The following FRRS1 variants were observed in gnomAD, a reference collection of about 807,000 sequenced individuals.
FRRS1 encodes the protein ferric reductase 1.
In FRRS1, 51 loss-of-function variants were observed where a neutral mutation model predicts 70.7. The observed-to-expected ratio is 0.72, with a 90% CI of 0.58 to 0.91. FRRS1 has a LOEUF of 0.91. Ranked by LOEUF, FRRS1 falls within the 40% of genes least tolerant of loss-of-function variation. FRRS1 has a pLI of 0.00. For missense variants in FRRS1, 672 were observed against 726.0 expected, an observed-to-expected ratio of 0.93 and a Z score of 0.86; for synonymous variants, 225 against 238.7, an observed-to-expected ratio of 0.94 and a Z score of 0.53.
At position 99,759,628 on chromosome 1, in the gene FRRS1, A is replaced by G. The variant is rs75989088; in HGVS notation, c.-106+6979T>C. 2.6e-5 allele frequency among the ~76,000 whole-genome samples: 4 copies of G among 152,350 alleles called. No individual in the cohort carries two copies. In the East Asian group the frequency reaches 7.7e-4, roughly 29 times the overall value. The stretch of plus-strand genomic sequence containing the variant: ...TTGACAGAGTCAGCAAGTTAAGACT[A>G]AGCACAAGATATATAAAGACAGCAA... On this transcript the variant is annotated intron_variant, in intron 1 of 16. Transcript: ENST00000646001.
rs769575120 is a variant in FRRS1, at chr1:99,709,042, T to C, written c.1765A>G (p.Ile589Val). The change falls in exon 17 of 17, where the codon ATC becomes GTC. Residue 589 changes from isoleucine (I) to valine (V), a missense_variant. Coordinates refer to ENST00000646001, the MANE Select transcript of FRRS1 (RefSeq NM_001361041.2). ...VTFLIIFLSA[I>V]NHL The stretch of plus-strand genomic sequence containing the variant: ...TCTTTGCTTGCTCATAGATGGTTGA[T>C]TGCAGATAAAAATATGATGAGAAAA... 1.1e-5 allele frequency: 18 copies of C among 1,613,766 alleles called. No homozygotes were observed. Among genetic ancestry groups the C allele is most frequent in the Admixed American group, 5.0e-5 (3 of 59,988 alleles).
In FRRS1 at chr1:99,710,848, C is replaced by T. The variant is rs1654238590; in HGVS notation, c.1582G>A (p.Glu528Lys). 1 of 1,613,946 alleles carries T rather than the reference C, an allele frequency of 6.2e-7. No homozygotes were observed. The highest frequency in any genetic ancestry group is 8.5e-7 in the Non-Finnish European group (1 of 1,179,980). ...TGFVAWHVGT[E>K]VVLEVHAYRL... ...TAAGCATGTACCTCCAGAACAACCT[C>T]AGTCCCAACATGCCAGGCTACGAAT... The change falls in exon 15 of 17, where the codon GAG becomes AAG. Residue 528 changes from glutamate to lysine, a missense_variant. By Grantham distance (56) the Glu-to-Lys change is moderately conservative. Transcript: ENST00000646001.
At chr1:99,723,498 AGAGT>A (rs1654937322) in intron 9 of FRRS1, among the ~76,000 whole-genome samples, 1 of 152,224 alleles carries the variant, frequency 6.6e-6, no homozygotes, top group African/African-American at 2.4e-5. Flanking sequence ...CCTGGGCAAC[AGAGT>A]GAGACCCTAT....
At chr1:99,709,281 G>A in intron 15 of FRRS1, 22 bp from the exon 16 acceptor site, 2 of 1,524,420 alleles carry the variant, frequency 1.3e-6, no homozygotes, top group Non-Finnish European at 9.1e-7. Flanking sequence ...AATAACATAA[G>A]TTTTTAAGGG....
intron 4 of FRRS1, among the ~76,000 whole-genome samples, chr1:99,744,090 A>G (rs1264247106): frequency 6.6e-6 from 1 of 152,018 alleles, no homozygotes; most frequent in African/African-American, 2.4e-5. Flanking sequence ...AAAGAAAAGA[A>G]AAGAAAATTC....
chr1:99,732,114 T>C (rs1036030912), intron 7 of FRRS1, among the ~76,000 whole-genome samples: 2 of 152,206 alleles, frequency 1.3e-5, no homozygotes, highest in Non-Finnish European at 2.9e-5. Flanking sequence ...TCAATACAAG[T>C]AGACCTCCCA....
In FRRS1 at chr1:99,704,938, C is replaced by G. The variant is rs2100887777; in HGVS notation, c.*4090G>C. On this transcript the variant is annotated 3_prime_UTR_variant, in exon 17 of 17. Coordinates refer to ENST00000646001, the MANE Select transcript of FRRS1 (RefSeq NM_001361041.2). Reference sequence around the variant, plus strand: ...TACTTCTACTCAGTAAAACCTTGCACTCGTTCTTCAAGCCCAGGTGTGATC... The same window carrying G: ...TACTTCTACTCAGTAAAACCTTGCAGTCGTTCTTCAAGCCCAGGTGTGATC... 6.6e-6 allele frequency among the ~76,000 whole-genome samples: 1 copy of G among 152,324 alleles called. No individual in the cohort carries two copies. Among genetic ancestry groups the G allele is most frequent in the African/African-American group, 2.4e-5 (1 of 41,568 alleles).
rs1653965711 is a variant in FRRS1, at chr1:99,704,136, A to G, written c.*4892T>C. ...TACGAAGCAAGCACCTTTTGCTGGC[A>G]TCACTTCATTGGATCCTCACAGCTG... On this transcript the variant is annotated 3_prime_UTR_variant, in exon 17 of 17. Coordinates refer to ENST00000646001, the MANE Select transcript of FRRS1 (RefSeq NM_001361041.2). Among the ~76,000 whole-genome samples, 1 of 152,230 alleles carries G rather than the reference A, an allele frequency of 6.6e-6. No homozygotes were observed. The highest frequency in any genetic ancestry group is 6.5e-5 in the Admixed American group (1 of 15,286).
chr1:99,723,427 G>C (rs1654933748), intron 9 of FRRS1, among the ~76,000 whole-genome samples: 1 of 152,124 alleles, frequency 6.6e-6, no homozygotes, highest in Admixed American at 6.6e-5. Context: ...AGAGGTGGGA[G>C]GATGGCTTGA....
At chr1:99,709,711 C>A (rs1654181807) in intron 15 of FRRS1, among the ~76,000 whole-genome samples, 1 of 152,078 alleles carries the variant, frequency 6.6e-6, no homozygotes, top group Non-Finnish European at 1.5e-5. Context: ...CTCACACCTG[C>A]AATCCCAGCA....
chr1:99,743,146 G>C (rs1656057009), intron 4 of FRRS1, among the ~76,000 whole-genome samples: 1 of 151,756 alleles, frequency 6.6e-6, no homozygotes, highest in South Asian at 2.1e-4. Context: ...CCTTTTATAG[G>C]GTGCTGATGT....
At chr1:99,752,247 G>C (rs764107258) in intron 1 of FRRS1, among the ~76,000 whole-genome samples, 9 of 152,166 alleles carry the variant, frequency 5.9e-5, no homozygotes, top group African/African-American at 1.9e-4. Context: ...TGGCTGACTG[G>C]AACAAGAGGC....
rs1390633865 is a variant in FRRS1 at position 99,706,314 on chromosome 1, T to C, written c.*2714A>G. On this transcript the variant is annotated 3_prime_UTR_variant, in exon 17 of 17. Coordinates refer to ENST00000646001, the MANE Select transcript of FRRS1 (RefSeq NM_001361041.2). Reference sequence around the variant, plus strand: ...GTTCCAGCTACTCTGGAGGCTGCAGTGGGAGGATCACTAAAGCCCAAGAGG... The same window carrying C: ...GTTCCAGCTACTCTGGAGGCTGCAGCGGGAGGATCACTAAAGCCCAAGAGG... Among the ~76,000 whole-genome samples, 1 of 148,032 alleles carries C rather than the reference T, an allele frequency of 6.8e-6. No homozygotes were observed. Among genetic ancestry groups the C allele is most frequent in the African/African-American group, 2.5e-5 (1 of 39,856 alleles).
rs932403157 is a variant in FRRS1, at chr1:99,729,676, G to A, written c.832C>T (p.Arg278Ter). ...CTGGAGTCCATTACAGGGTGACTTC[G>A]CCCCGTTAAATGGGAAGGCTGGATG... ...VYIQPSHLTG[R>*]SHPVMDSRDT... Residue 278 changes from arginine (R) to a stop codon, truncating the protein, a stop_gained, in exon 8 of 17, where the codon CGA (arginine) becomes TGA (stop). Transcript: ENST00000646001. LOFTEE classifies it high-confidence loss of function. 6 of 1,612,530 alleles carry A rather than the reference G, an allele frequency of 3.7e-6. No homozygotes were observed. Among genetic ancestry groups the A allele is most frequent in the Non-Finnish European group, 5.1e-6 (6 of 1,178,730 alleles).
chr1:99,722,874 T>C (rs944036784), intron 9 of FRRS1, among the ~76,000 whole-genome samples: 6 of 152,230 alleles, frequency 3.9e-5, no homozygotes, highest in Non-Finnish European at 8.8e-5. Context: ...AAATGAGGGC[T>C]ATTAACCTGC....
intron 9 of FRRS1, among the ~76,000 whole-genome samples, chr1:99,726,579 C>T (rs1655087973): frequency 1.3e-5 from 2 of 152,194 alleles, no homozygotes; most frequent in South Asian, 2.1e-4. Flanking sequence ...AAATGAGATA[C>T]ATGTAATATG....
At chr1:99,726,995 G>A (rs557154196) in intron 9 of FRRS1, among the ~76,000 whole-genome samples, 67 of 152,242 alleles carry the variant, frequency 4.4e-4, no homozygotes, top group Non-Finnish European at 7.1e-4. Context: ...GATTATAGGC[G>A]TGAGCCACTG....
chr1:99,705,323 T>C lies in FRRS1; in HGVS notation c.*3705A>G, dbSNP rs1654007910. On this transcript the variant is annotated 3_prime_UTR_variant, in exon 17 of 17. Transcript: ENST00000646001. ...ACCATCTGTGACCTGGGTGCAGAGA[T>C]GAGCTTGGTAGGGGCTGCACAAGGA... Among the ~76,000 whole-genome samples the C allele has an allele frequency of 6.6e-6, 1 of 152,166 alleles. No individual in the cohort carries two copies. The highest frequency in any genetic ancestry group is 1.5e-5 in the Non-Finnish European group (1 of 68,012).
intron 12 of FRRS1, among the ~76,000 whole-genome samples, chr1:99,713,722 C>T (rs1654384170): frequency 6.6e-6 from 1 of 152,186 alleles, no homozygotes; most frequent in Non-Finnish European, 1.5e-5. Flanking sequence ...CTGCTATATA[C>T]TTAAATCTGT....
Sources: allele counts gnomAD v4.1 joint callset (sites outside exome capture counted in the v4.1 genomes callset), GRCh38; gene constraint gnomAD v4.1.1; transcripts MANE v1.5; gene names NCBI Gene and HGNC (gene_info 2026-07-23, HGNC 2026-07-21).